Variants in LRP1B observed in about 807,000 individuals in gnomAD.
The protein encoded by LRP1B is LDL receptor related protein 1B.
In LRP1B, 217 loss-of-function variants were observed where a neutral mutation model predicts 556.6. That is an observed-to-expected ratio of 0.39 (90% CI 0.35 to 0.44). LRP1B has a LOEUF of 0.44. LRP1B is among the 20% of genes least tolerant of loss of function. LRP1B has a pLI of 1.00. For missense variants in LRP1B, 5,053 were observed against 5,620.8 expected (o/e 0.90, Z 3.23); for synonymous variants, 2,047 against 1,865.8 (o/e 1.10, Z -2.50).
In LRP1B at chr2:141,480,430, G is replaced by A. The variant is rs752931007; in HGVS notation, c.309C>T (p.Cys103=). ...GTACTCCTTCGTCATACCCATCTGGGCAGTCCAAGACACCATTGCACAGCT... is the reference window on the plus strand; with the variant it reads ...GTACTCCTTCGTCATACCCATCTGGACAGTCCAAGACACCATTGCACAGCT... ...LSQLCNGVLD[C]PDGYDEGVHC... Residue 103 remains cysteine, a synonymous_variant, in exon 3 of 91, where the codon TGC becomes TGT. Transcript: ENST00000389484. 4 of 1,613,854 alleles carry A rather than the reference G, an allele frequency of 2.5e-6. No homozygotes were observed. The highest frequency in any genetic ancestry group is 3.4e-6 in the Non-Finnish European group (4 of 1,179,896).
chr2:140,957,607 A>C (rs1340518473), intron 18 of LRP1B, among the ~76,000 whole-genome samples: 1 of 151,696 alleles, frequency 6.6e-6, no homozygotes, highest in African/African-American at 2.4e-5. Context: ...GTATACAAAG[A>C]ATATAAATTT....
chr2:141,132,053 C>T lies in LRP1B; in HGVS notation c.1013+56368G>A, dbSNP rs914365827. Among the ~76,000 whole-genome samples the T allele has an allele frequency of 3.3e-5, 5 of 152,084 alleles. No homozygotes were observed. The East Asian group carries it at 7.7e-4, about 24-fold the overall frequency. On this transcript the variant is annotated intron_variant, in intron 7 of 90. Transcript: ENST00000389484. ...TTCTCATGCCTTTGTATCCTCATGG[C>T]TTAACTCCCACTTATGATTGAGAAC...
intron 66 of LRP1B, among the ~76,000 whole-genome samples, chr2:140,417,094 A>G (rs1228563968): frequency 6.6e-6 from 1 of 152,234 alleles, no homozygotes; most frequent in Non-Finnish European, 1.5e-5. Flanking sequence ...TGCCACATGG[A>G]GACAAAGCAC....
intron 41 of LRP1B, among the ~76,000 whole-genome samples, chr2:140,636,171 CT>C (rs1489551489): frequency 6.6e-6 from 1 of 152,068 alleles, no homozygotes; most frequent in East Asian, 1.9e-4. Context: ...GAAAAATAGT[CT>C]TTCACAATTA....
In LRP1B at chr2:140,492,600, T is replaced by G. The variant is rs766491805; in HGVS notation, c.9120+8A>C. ...AAATGTTACGGTGTCATCTTGGGAGTGTCATACCTGTTTTAAAAGTGTGTA... is the reference window on the plus strand; with the variant it reads ...AAATGTTACGGTGTCATCTTGGGAGGGTCATACCTGTTTTAAAAGTGTGTA... On this transcript the variant is annotated splice_region_variant and intron_variant, in intron 57 of 90. Coordinates refer to ENST00000389484, the MANE Select transcript of LRP1B (RefSeq NM_018557.3). The G allele has an allele frequency of 6.3e-7, 1 of 1,599,940 alleles. No homozygotes were observed. The highest frequency in any genetic ancestry group is 8.6e-7 in the Non-Finnish European group (1 of 1,167,380).
chr2:140,536,261 G>A (rs1690962521), intron 46 of LRP1B, among the ~76,000 whole-genome samples: 1 of 132,230 alleles, frequency 7.6e-6, no homozygotes, highest in Non-Finnish European at 1.5e-5. Context: ...GATTGCTTGA[G>A]CTCAGGAGTT....
intron 7 of LRP1B, among the ~76,000 whole-genome samples, chr2:141,106,121 T>C (rs1421824586): frequency 1.3e-5 from 2 of 152,188 alleles, no homozygotes; most frequent in Non-Finnish European, 2.9e-5. Context: ...TCACTTTACT[T>C]AGAAACAATA....
At chr2:141,891,520 TG>T (rs1477796406) in intron 1 of LRP1B, among the ~76,000 whole-genome samples, 4 of 152,056 alleles carry the variant, frequency 2.6e-5, no homozygotes, top group African/African-American at 9.7e-5. Context: ...ATAAAAGCAA[TG>T]AAACAAGGTA....
chr2:142,020,883 G>A (rs1430011194), intron 1 of LRP1B, among the ~76,000 whole-genome samples: 1 of 152,084 alleles, frequency 6.6e-6, no homozygotes, highest in Non-Finnish European at 1.5e-5. Context: ...TTACTTTCTT[G>A]CTCTCTTGAT....
chr2:141,262,824 G>C (rs1026845627), intron 3 of LRP1B, among the ~76,000 whole-genome samples: 13 of 151,948 alleles, frequency 8.6e-5, no homozygotes, highest in African/African-American at 3.1e-4. Flanking sequence ...TTGAAATCTG[G>C]TAGCATAAAT....
chr2:141,463,648 A>AT (rs1682036832), intron 3 of LRP1B, among the ~76,000 whole-genome samples: 1 of 133,904 alleles, frequency 7.5e-6, no homozygotes, highest in African/African-American at 2.8e-5. Flanking sequence ...ATTATATATT[A>AT]TATATAATTA....
Position 140,598,620 on chromosome 2 carries a change from G to A in LRP1B, c.7194+11C>T, listed in dbSNP as rs773149823. On this transcript the variant is annotated intron_variant, in intron 43 of 90. Coordinates refer to ENST00000389484, the MANE Select transcript of LRP1B (RefSeq NM_018557.3). ...ATAACTCTATAACCAAGAAATTCCT[G>A]ATTAACTTACATGTCTCTGGGATCC... 2.8e-5 allele frequency: 45 copies of A among 1,601,600 alleles called. No homozygotes were observed. The highest frequency in any genetic ancestry group is 3.8e-5 in the Non-Finnish European group (44 of 1,169,086).
intron 56 of LRP1B, among the ~76,000 whole-genome samples, chr2:140,493,647 G>GAA (rs202051940): frequency 1.5e-4 from 22 of 148,096 alleles, no homozygotes; most frequent in Non-Finnish European, 2.5e-4. Flanking sequence ...ATAGAAATTA[G>GAA]AAAAAAAAAC....
rs547768939 is a variant in LRP1B at position 141,451,499 on chromosome 2, C to T, written c.343+28897G>A. On this transcript the variant is annotated intron_variant, in intron 3 of 90. Coordinates refer to ENST00000389484, the MANE Select transcript of LRP1B (RefSeq NM_018557.3). Reference sequence around the variant, plus strand: ...GAAAACAGATGTTGAATGCCTATTACTCCTCAGTACTGTAGGCACCTGTGG... The same window carrying T: ...GAAAACAGATGTTGAATGCCTATTATTCCTCAGTACTGTAGGCACCTGTGG... Among the ~76,000 whole-genome samples, 28 of 152,312 alleles carry T rather than the reference C, an allele frequency of 1.8e-4. No homozygotes were observed. In the South Asian group the frequency reaches 5.4e-3, roughly 29 times the overall value.
intron 3 of LRP1B, among the ~76,000 whole-genome samples, chr2:141,362,952 T>G (rs892513757): frequency 6.6e-6 from 1 of 152,178 alleles, no homozygotes; most frequent in Non-Finnish European, 1.5e-5. Flanking sequence ...ATACACCACC[T>G]GCAGCTTAAT....
At chr2:141,898,589 T>C (rs555798328) in intron 1 of LRP1B, among the ~76,000 whole-genome samples, 1 of 152,274 alleles carries the variant, frequency 6.6e-6, no homozygotes, top group East Asian at 1.9e-4. Context: ...ATAGATGATG[T>C]ATTCTTCACA....
chr2:141,585,116 C>T (rs2105285438), intron 2 of LRP1B, among the ~76,000 whole-genome samples: 1 of 152,250 alleles, frequency 6.6e-6, no homozygotes, highest in Admixed American at 6.5e-5. Flanking sequence ...GGTCTTTTCT[C>T]TTTCCCTCGC....
chr2:141,662,574 A>C (rs1690261609), intron 2 of LRP1B, among the ~76,000 whole-genome samples: 1 of 152,148 alleles, frequency 6.6e-6, no homozygotes. Flanking sequence ...GAGATCAAAA[A>C]AGACAAAAAG....
chr2:141,264,789 GT>G (rs1241559663), intron 3 of LRP1B, among the ~76,000 whole-genome samples: 1 of 152,152 alleles, frequency 6.6e-6, no homozygotes, highest in African/African-American at 2.4e-5. Flanking sequence ...GATTGTATAT[GT>G]TTTTTGGGTT....
Sources: allele counts gnomAD v4.1 joint callset (sites outside exome capture counted in the v4.1 genomes callset), GRCh38; gene constraint gnomAD v4.1.1; transcripts MANE v1.5; gene names NCBI Gene and HGNC (gene_info 2026-07-23, HGNC 2026-07-21).